Variants in DLGAP2 observed in about 807,000 individuals in gnomAD.
DLGAP2 encodes disks large-associated protein 2.
DLGAP2 carries 26 observed loss-of-function variants against 100.3 expected under a neutral mutation model. That is an observed-to-expected ratio of 0.26 (90% CI 0.19 to 0.36). DLGAP2 has a LOEUF of 0.36. DLGAP2 is among the 10% of genes least tolerant of loss of function. The pLI is 1.00. For synonymous variants in DLGAP2, 886 were observed against 630.1 expected (o/e 1.41, Z -6.08); for missense variants, 1,858 against 1,453.2 (o/e 1.28, Z -4.53).
chr8:1,644,082 G>C (rs551644276), intron 8 of DLGAP2, among the ~76,000 whole-genome samples: 1 of 128,050 alleles, frequency 7.8e-6, no homozygotes, highest in East Asian at 2.4e-4. Context: ...CCTCGACCCC[G>C]CCGGTCCTCA....
intron 2 of DLGAP2, among the ~76,000 whole-genome samples, chr8:1,023,824 G>C (rs1022434655): frequency 6.7e-6 from 1 of 148,332 alleles, no homozygotes. Flanking sequence ...ATAATGCTTG[G>C]TCTTTCCGTC....
chr8:1,239,591 C>CATGGCGCCGTGT, intron 2 of DLGAP2, among the ~76,000 whole-genome samples: 1 of 66,708 alleles, frequency 1.5e-5, no homozygotes, highest in Non-Finnish European at 2.8e-5. Flanking sequence ...TGTCTAGTTA[C>CATGGCGCCGTGT]CTATCACATG....
At chr8:1,541,886 T>C (rs1476482809) in intron 4 of DLGAP2, among the ~76,000 whole-genome samples, 1 of 152,246 alleles carries the variant, frequency 6.6e-6, no homozygotes, top group African/African-American at 2.4e-5. Flanking sequence ...GAATGTCTAC[T>C]GACTCCACAA....
At position 1,101,678 on chromosome 8, in the gene DLGAP2, C is replaced by G. The variant is rs984598778; in HGVS notation, c.74-157173C>G. On this transcript the variant is annotated intron_variant, in intron 2 of 14. Coordinates refer to ENST00000637795, the MANE Select transcript of DLGAP2 (RefSeq NM_001346810.2). ...AGGTCCTCGTCACCCCTGAGCCGAA[C>G]ACGACACGACGATGGGAAGGTCCTC... is the stretch of plus-strand genomic sequence containing the variant. Among the ~76,000 whole-genome samples, 12 of 150,982 alleles carry G rather than the reference C, an allele frequency of 7.9e-5. No individual in the cohort carries two copies. In the East Asian group the frequency reaches 1.6e-3, roughly 20 times the overall value.
intron 2 of DLGAP2, among the ~76,000 whole-genome samples, chr8:1,118,707 C>T (rs1275304295): frequency 1.3e-5 from 2 of 152,026 alleles, no homozygotes; most frequent in South Asian, 2.1e-4. Flanking sequence ...CTATGAGGAC[C>T]GAAAGAACTT....
intron 3 of DLGAP2, among the ~76,000 whole-genome samples, chr8:1,422,545 A>C (rs1725650601): frequency 6.8e-6 from 1 of 148,008 alleles, no homozygotes; most frequent in Non-Finnish European, 1.5e-5. Flanking sequence ...TGTTTGGAAA[A>C]GGCTTTCTTT....
intron 1 of DLGAP2, among the ~76,000 whole-genome samples, chr8:850,176 C>T (rs1307024867): frequency 6.6e-6 from 1 of 152,098 alleles, no homozygotes; most frequent in East Asian, 1.9e-4. Flanking sequence ...TATATCTCCC[C>T]CACCTTTGCG....
chr8:1,407,783 C>G (rs7835814), intron 3 of DLGAP2, among the ~76,000 whole-genome samples: 4 of 148,352 alleles, frequency 2.7e-5, no homozygotes, highest in Admixed American at 6.7e-5. Context: ...CTGAGCGCCA[C>G]CTCCTCATCC....
At chr8:999,297 C>T (rs1198195553) in intron 2 of DLGAP2, among the ~76,000 whole-genome samples, 2 of 151,812 alleles carry the variant, frequency 1.3e-5, no homozygotes, top group South Asian at 2.1e-4. Context: ...GCCTGTGACC[C>T]TTCCTGTGTA....
chr8:1,207,415 CT>C (rs1563253809), intron 2 of DLGAP2, among the ~76,000 whole-genome samples: 1 of 152,114 alleles, frequency 6.6e-6, no homozygotes, highest in Non-Finnish European at 1.5e-5. Flanking sequence ...TATTTTGTTC[CT>C]TTTTTTGGCT....
chr8:1,665,700 G>A, intron 8 of DLGAP2, among the ~76,000 whole-genome samples: 1 of 152,248 alleles, frequency 6.6e-6, no homozygotes, highest in East Asian at 1.9e-4. Context: ...AGGTCATTGA[G>A]AGCCCCCGTC....
chr8:1,318,658 G>A (rs10093869), intron 3 of DLGAP2, among the ~76,000 whole-genome samples: 46,521 of 151,494 alleles, frequency 0.31, 7,733 homozygotes, highest in Middle Eastern at 0.45. Flanking sequence ...GTGGCTATAA[G>A]TTAAATACTG....
chr8:964,671 A>C (rs776016116), intron 2 of DLGAP2, among the ~76,000 whole-genome samples: 5 of 152,172 alleles, frequency 3.3e-5, no homozygotes, highest in African/African-American at 4.8e-5. Context: ...GTCCTTCTTC[A>C]GGGGTCCCAG....
chr8:1,366,536 G>T (rs769198144), intron 3 of DLGAP2, among the ~76,000 whole-genome samples: 72 of 152,330 alleles, frequency 4.7e-4, no homozygotes, highest in Non-Finnish European at 8.5e-4. Flanking sequence ...TTCAGCGGCT[G>T]ACCTGGGACA....
At chr8:1,337,157 A>G (rs1345199948) in intron 3 of DLGAP2, among the ~76,000 whole-genome samples, 1 of 151,300 alleles carries the variant, frequency 6.6e-6, no homozygotes, top group Admixed American at 6.6e-5. Flanking sequence ...AATGATGGTG[A>G]TGATGGTGGT....
chr8:1,585,318 GC>G (rs1239097045), intron 6 of DLGAP2, among the ~76,000 whole-genome samples: 6 of 151,928 alleles, frequency 3.9e-5, no homozygotes, highest in African/African-American at 1.5e-4. Flanking sequence ...CAAAAAATTA[GC>G]CAGGCATTTT....
intron 3 of DLGAP2, among the ~76,000 whole-genome samples, chr8:1,280,780 A>G (rs947679354): frequency 6.6e-6 from 1 of 152,196 alleles, no homozygotes; most frequent in Non-Finnish European, 1.5e-5. Flanking sequence ...TTGCCATGCA[A>G]GCTTCGTGTT....
At chr8:1,679,628 T>A (rs1313565938) in intron 12 of DLGAP2, among the ~76,000 whole-genome samples, 1 of 152,210 alleles carries the variant, frequency 6.6e-6, no homozygotes, top group Non-Finnish European at 1.5e-5. Context: ...CTTCTCCACA[T>A]GGAAGGGGAC....
At chr8:1,187,870 C>T (rs371604081) in intron 2 of DLGAP2, among the ~76,000 whole-genome samples, 3 of 121,446 alleles carry the variant, frequency 2.5e-5, no homozygotes, top group South Asian at 2.6e-4. Flanking sequence ...ACCCCCGTGA[C>T]GTTTGCCTCA....
Sources: allele counts gnomAD v4.1 joint callset (sites outside exome capture counted in the v4.1 genomes callset), GRCh38; gene constraint gnomAD v4.1.1; transcripts MANE v1.5; gene names NCBI Gene and HGNC (gene_info 2026-07-23, HGNC 2026-07-21).